The following PRUNE2 variants were observed in gnomAD, a reference collection of about 807,000 sequenced individuals.
PRUNE2 encodes the protein prune homolog 2 with BCH domain.
A neutral mutation model predicts 252.0 loss-of-function variants in PRUNE2; 164 were observed. That is an observed-to-expected ratio of 0.65 (90% CI 0.57 to 0.74). The LOEUF is 0.74. Ranked by LOEUF, PRUNE2 falls within the 30% of genes least tolerant of loss-of-function variation. The pLI is 0.00. For missense variants in PRUNE2, 3,495 were observed against 3,711.0 expected, an observed-to-expected ratio of 0.94 and a Z score of 1.51; for synonymous variants, 1,292 against 1,350.2, an observed-to-expected ratio of 0.96 and a Z score of 0.94.
In PRUNE2 at chr9:76,893,031, A is replaced by T. The variant is rs115088122; in HGVS notation, c.36+12897T>A. 2.1e-3 allele frequency among the ~76,000 whole-genome samples: 317 copies of T among 152,296 alleles called. 2 individuals carry two copies. The highest frequency in any genetic ancestry group is 7.3e-3 in the African/African-American group (303 of 41,554). ...ATCCTTCATGACAAAGAACATGACAAAAGTTCGAGACGAGCCTGGGCAACA... is the reference window on the plus strand; with the variant it reads ...ATCCTTCATGACAAAGAACATGACATAAGTTCGAGACGAGCCTGGGCAACA... On this transcript the variant is annotated intron_variant, in intron 1 of 18. Transcript: ENST00000376718.
chr9:76,662,987 A>G (rs1031005640), intron 9 of PRUNE2, among the ~76,000 whole-genome samples: 4 of 152,344 alleles, frequency 2.6e-5, no homozygotes, highest in African/African-American at 9.6e-5. Context: ...TCCCTCGTTA[A>G]GAATATCAAT....
chr9:76,753,047 G>A (rs1202824053), intron 6 of PRUNE2, among the ~76,000 whole-genome samples: 1 of 152,078 alleles, frequency 6.6e-6, no homozygotes, highest in East Asian at 1.9e-4. Context: ...GTTTTTGTTT[G>A]GAGACAGGGT....
At chr9:76,833,887 T>C (rs1166899087) in intron 4 of PRUNE2, among the ~76,000 whole-genome samples, 2 of 59,660 alleles carry the variant, frequency 3.4e-5, no homozygotes, top group East Asian at 3.5e-4. Context: ...GGTTTTTTTG[T>C]TTTTTTTTTT....
chr9:76,831,142 C>G (rs113201283), intron 4 of PRUNE2, among the ~76,000 whole-genome samples: 10,297 of 151,952 alleles, frequency 0.068, 494 homozygotes, highest in African/African-American at 0.14. Context: ...TGTTAGCCAG[C>G]ATGGTCTCGA....
rs536359235 is a variant in PRUNE2 at position 76,806,508 on chromosome 9, C to CTTT, written c.756+17121_756+17123dup. 9.5e-4 allele frequency among the ~76,000 whole-genome samples: 125 copies of CTTT among 131,148 alleles called. 1 individual carries two copies. Among genetic ancestry groups the CTTT allele is most frequent in the Admixed American group, 2.9e-3 (37 of 12,928 alleles). 86.0% of individuals were successfully genotyped at this position (131,148 alleles called of 152,430 possible). A position where few individuals can be genotyped will look rare whatever the true frequency, so the allele number is the denominator to read the frequency against. ...GGCTTACCATGTGTCAGGCACCATTCTTTTTTTTTTTTTTTTTGAGACGGA... is the reference window on the plus strand; with the variant it reads ...GGCTTACCATGTGTCAGGCACCATTCTTTTTTTTTTTTTTTTTTTTGAGACGGA... On this transcript the variant is annotated intron_variant, in intron 6 of 18. Coordinates refer to ENST00000376718, the MANE Select transcript of PRUNE2 (RefSeq NM_015225.3).
chr9:76,645,187 A>G, intron 11 of PRUNE2: 2 of 322,728 alleles, frequency 6.2e-6, no homozygotes, highest in Non-Finnish European at 1.1e-5. Context: ...ACTAGGTGCA[A>G]AACTTAAGCT....
intron 6 of PRUNE2, among the ~76,000 whole-genome samples, chr9:76,724,996 A>T (rs764274048): frequency 6.6e-6 from 1 of 152,208 alleles, no homozygotes. Flanking sequence ...GCTCCCAGAT[A>T]AAAATAATAA....
chr9:76,615,235 T>C (rs1283193769), intron 18 of PRUNE2: 2 of 985,378 alleles, frequency 2.0e-6, no homozygotes, highest in African/African-American at 3.5e-5. Context: ...ACAGCACAAC[T>C]TCCTACCGCA....
intron 6 of PRUNE2, among the ~76,000 whole-genome samples, chr9:76,807,738 A>T (rs1268784150): frequency 1.3e-5 from 2 of 152,198 alleles, no homozygotes; most frequent in African/African-American, 4.8e-5. Flanking sequence ...GGCCTTAGGA[A>T]TTCTTGTTTT....
Position 76,704,743 on chromosome 9 carries a change from G to C in PRUNE2, c.7513+18C>G. 1.4e-6 allele frequency: 2 copies of C among 1,471,268 alleles called. No individual in the cohort carries two copies. The highest frequency in any genetic ancestry group is 1.8e-6 in the Non-Finnish European group (2 of 1,089,532). 91.1% of individuals were successfully genotyped at this position (1,471,268 alleles called of 1,614,324 possible). On this transcript the variant is annotated intron_variant, in intron 8 of 18. Transcript: ENST00000376718. The stretch of plus-strand genomic sequence containing the variant: ...ACGCAGCAGTTTCTTGGAAGTGGAA[G>C]AATGGAATGTTTCTTACCATTTGGT...
chr9:76,847,569 C>T (rs1175113910), intron 3 of PRUNE2, among the ~76,000 whole-genome samples: 1 of 152,106 alleles, frequency 6.6e-6, no homozygotes, highest in Non-Finnish European at 1.5e-5. Context: ...AGCCAATAAC[C>T]TGGCTCCAAA....
chr9:76,878,581 G>A (rs956335410), intron 1 of PRUNE2, among the ~76,000 whole-genome samples: 1 of 152,190 alleles, frequency 6.6e-6, no homozygotes, highest in African/African-American at 2.4e-5. Flanking sequence ...CTGAGGAGGG[G>A]TAAGAATATT....
At chr9:76,807,020 A>ATGTGTGTGTGTGTGTGTGTGTGTGTGTG (rs1554779764) in intron 6 of PRUNE2, among the ~76,000 whole-genome samples, 1 of 140,402 alleles carries the variant, frequency 7.1e-6, no homozygotes, top group African/African-American at 2.7e-5. Context: ...ACCTCATACA[A>ATGTGTGTGTGTGTGTGTGTGTGTGTGTG]TGTGTGTGTG....
At chr9:76,733,141 G>C (rs569952769) in intron 6 of PRUNE2, among the ~76,000 whole-genome samples, 1 of 152,236 alleles carries the variant, frequency 6.6e-6, no homozygotes, top group South Asian at 2.1e-4. Context: ...ATGGGTGCTT[G>C]CTCCTGCATC....
intron 9 of PRUNE2, among the ~76,000 whole-genome samples, chr9:76,679,280 T>G (rs2043160968): frequency 6.6e-6 from 1 of 152,160 alleles, no homozygotes; most frequent in South Asian, 2.1e-4. Flanking sequence ...TTGTTAAAAA[T>G]TAAATACAAT....
intron 1 of PRUNE2, among the ~76,000 whole-genome samples, chr9:76,856,279 C>T (rs543875819): frequency 1.3e-5 from 2 of 152,298 alleles, no homozygotes; most frequent in East Asian, 3.9e-4. Context: ...TCAGCGTCCA[C>T]ACAAGTGAGC....
intron 1 of PRUNE2, among the ~76,000 whole-genome samples, chr9:76,900,062 T>A (rs551727946): frequency 6.6e-6 from 1 of 152,030 alleles, no homozygotes; most frequent in African/African-American, 2.4e-5. Flanking sequence ...CTGGGTGACT[T>A]AAGGATAGGG....
intron 11 of PRUNE2, among the ~76,000 whole-genome samples, chr9:76,648,273 T>C (rs750989448): frequency 2.6e-5 from 4 of 152,116 alleles, no homozygotes; most frequent in Non-Finnish European, 5.9e-5. Flanking sequence ...TCTTACAAAA[T>C]TAAGCATACT....
chr9:76,612,383 T>C lies in PRUNE2; in HGVS notation c.*2187A>G, dbSNP rs1827711935. The C allele has an allele frequency of 6.6e-6, 1 of 152,168 alleles. No individual in the cohort carries two copies. The highest frequency in any genetic ancestry group is 2.4e-5 in the African/African-American group (1 of 41,444). 9.4% of individuals were successfully genotyped at this position (152,168 alleles called of 1,614,324 possible). ...TATGAACAGCTCTATGCCCTCAGGT[T>C]TGCACCACTACACTGAACACTGGAT... On this transcript the variant is annotated 3_prime_UTR_variant, in exon 19 of 19. Coordinates refer to ENST00000376718, the MANE Select transcript of PRUNE2 (RefSeq NM_015225.3).
Sources: allele counts gnomAD v4.1 joint callset (sites outside exome capture counted in the v4.1 genomes callset), GRCh38; gene constraint gnomAD v4.1.1; transcripts MANE v1.5; gene names NCBI Gene and HGNC (gene_info 2026-07-23, HGNC 2026-07-21).